Variants in RIT1 observed in about 807,000 individuals in gnomAD.
RIT1 encodes the protein Ras like without CAAX 1.
RIT1 carries 6 observed loss-of-function variants against 25.6 expected under a neutral mutation model. The ratio of observed to expected loss-of-function variants is 0.23; its 90% CI spans 0.13 to 0.46. The LOEUF is 0.46. Ranked by LOEUF, RIT1 falls within the 20% of genes least tolerant of loss-of-function variation. The pLI, the probability that RIT1 is intolerant of heterozygous loss-of-function variation, is 0.99. For missense variants in RIT1, 219 were observed against 284.4 expected (o/e 0.77, Z 1.65); for synonymous variants, 81 against 94.1 (o/e 0.86, Z 0.80).
At chr1:155,905,720 G>A (rs1177633903) in intron 3 of RIT1, among the ~76,000 whole-genome samples, 1 of 152,020 alleles carries the variant, frequency 6.6e-6, no homozygotes, top group Non-Finnish European at 1.5e-5. Flanking sequence ...TAGTTAATTA[G>A]TGACAGAATG....
intron 5 of RIT1, among the ~76,000 whole-genome samples, chr1:155,902,371 AAAAAG>A (rs991891224): frequency 2.0e-5 from 3 of 151,724 alleles, no homozygotes; most frequent in African/African-American, 7.3e-5. Flanking sequence ...CAAAAAAAAA[AAAAAG>A]AAAAGAAAAA....
intron 3 of RIT1, among the ~76,000 whole-genome samples, chr1:155,906,574 A>G (rs1673443142): frequency 1.3e-5 from 2 of 151,954 alleles, no homozygotes; most frequent in Non-Finnish European, 2.9e-5. Flanking sequence ...CAGCCTGGCT[A>G]ATGTGGTGAA....
chr1:155,909,321 T>G (rs1673529785), intron 3 of RIT1, among the ~76,000 whole-genome samples: 1 of 151,344 alleles, frequency 6.6e-6, no homozygotes, highest in Non-Finnish European at 1.5e-5. Flanking sequence ...GAGCTTGTAG[T>G]GAGCCGAGAT....
rs1213872994 is a variant in RIT1, at chr1:155,900,319, G to T, written c.*69C>A. ...AGTGAAAGAGCAAGCACCATACTCA[G>T]TACTGCAGGTTACTGGACTGCTTTG... is the stretch of plus-strand genomic sequence containing the variant. On this transcript the variant is annotated 3_prime_UTR_variant, in exon 6 of 6. Transcript: ENST00000368323. The T allele has an allele frequency of 1.8e-6, 2 of 1,087,486 alleles. No individual in the cohort carries two copies. Among genetic ancestry groups the T allele is most frequent in the Non-Finnish European group, 2.8e-6 (2 of 714,298 alleles). 67.4% of individuals were successfully genotyped at this position (1,087,486 alleles called of 1,614,324 possible).
At position 155,904,780 on chromosome 1, in the gene RIT1, C is replaced by T. The variant is rs1673400003; in HGVS notation, c.188G>A (p.Arg63His). The change falls in exon 4 of 6, where the codon CGT becomes CAT. Residue 63 changes from arginine to histidine, a missense_variant. Arg to His is a conservative substitution (Grantham distance 29). Coordinates refer to ENST00000368323, the MANE Select transcript of RIT1 (RefSeq NM_006912.6). Reference protein sequence around the residue: ...TIEDAYKIRIRIDDEPANLDI... With the variant: ...TIEDAYKIRIHIDDEPANLDI... ...CAGATTGGCAGGCTCATCATCAATA[C>T]GGATCCTGATCTTATAAGCATCTTC... 2.5e-6 allele frequency: 4 copies of T among 1,611,674 alleles called. No individual in the cohort carries two copies. The highest frequency in any genetic ancestry group is 1.1e-5 in the South Asian group (1 of 91,030).
chr1:155,910,716 C>T lies in RIT1; in HGVS notation c.46G>A (p.Ala16Thr), dbSNP rs1131692009. 7 of 1,614,134 alleles carry T rather than the reference C, an allele frequency of 4.3e-6. No individual in the cohort carries two copies. The highest frequency in any genetic ancestry group is 2.2e-5 in the South Asian group (2 of 91,090). ...AGTTTGTACTCCCGTGAGAGCCCAG[C>T]GGGGCTGCTACAGCAGCTACCAACT... Reference protein sequence around the residue: ...RPVGSCCSSPAGLSREYKLVM... With the variant: ...RPVGSCCSSPTGLSREYKLVM... Residue 16 changes from alanine to threonine, a missense_variant, in exon 2 of 6, where the codon GCT becomes ACT. Physicochemically the swap from Ala to Thr is moderately conservative, Grantham distance 58. Coordinates refer to ENST00000368323, the MANE Select transcript of RIT1 (RefSeq NM_006912.6).
At chr1:155,902,924 A>T (rs947203594) in intron 5 of RIT1, among the ~76,000 whole-genome samples, 15 of 151,848 alleles carry the variant, frequency 9.9e-5, no homozygotes, top group Non-Finnish European at 1.9e-4. Context: ...GCACTTTGGG[A>T]GGCCGAGGTG....
chr1:155,906,577 G>A (rs1337891723), intron 3 of RIT1, among the ~76,000 whole-genome samples: 1 of 151,640 alleles, frequency 6.6e-6, no homozygotes, highest in African/African-American at 2.4e-5. Flanking sequence ...CCTGGCTAAT[G>A]TGGTGAAACC....
rs573813074 is a variant in RIT1 at position 155,900,136 on chromosome 1, G to A, written c.*252C>T. On this transcript the variant is annotated 3_prime_UTR_variant, in exon 6 of 6. Transcript: ENST00000368323. ...AAACAAATTTACATTAATTAATAGC[G>A]CAACAGAACCCAAAACATTGGTAGA... 3.9e-5 allele frequency: 18 copies of A among 459,148 alleles called. No homozygotes were observed. Among genetic ancestry groups the A allele is most frequent in the Middle Eastern group, 5.8e-4 (1 of 1,736 alleles). The allele number at this position is 459,148 out of a possible 1,614,324, so 28.4% of individuals were successfully genotyped here.
chr1:155,904,974 GT>G (rs1307452463), intron 3 of RIT1, among the ~76,000 whole-genome samples, 170 bp from the exon 4 acceptor site: 1 of 151,616 alleles, frequency 6.6e-6, no homozygotes, highest in Non-Finnish European at 1.5e-5. Context: ...TTCAACTGAA[GT>G]TTTTTTTTCC....
At chr1:155,901,628 G>A (rs951469073) in intron 5 of RIT1, among the ~76,000 whole-genome samples, 3 of 151,892 alleles carry the variant, frequency 2.0e-5, no homozygotes, top group African/African-American at 7.3e-5. Context: ...CTCCAGCCTG[G>A]GTGACAGAGC....
At chr1:155,910,539 C>A in intron 2 of RIT1, 33 bp from the exon 3 acceptor site, 2 of 1,612,786 alleles carry the variant, frequency 1.2e-6, no homozygotes, top group Admixed American at 3.3e-5. Flanking sequence ...CAAATCCTCA[C>A]AAAGGTGACC....
intron 3 of RIT1, among the ~76,000 whole-genome samples, chr1:155,909,938 C>CA (rs750224243): frequency 7.2e-6 from 1 of 138,910 alleles, no homozygotes; most frequent in Non-Finnish European, 1.5e-5. Flanking sequence ...AAAAAAAAAA[C>CA]AACAGACAGA....
Position 155,900,335 on chromosome 1 carries a change from G to T in RIT1, c.*53C>A, listed in dbSNP as rs1249428026. ...CCATACTCAGTACTGCAGGTTACTGGACTGCTTTGATACAGCACTGCAGTT... is the reference window on the plus strand; with the variant it reads ...CCATACTCAGTACTGCAGGTTACTGTACTGCTTTGATACAGCACTGCAGTT... On this transcript the variant is annotated 3_prime_UTR_variant, in exon 6 of 6. Transcript: ENST00000368323. The T allele has an allele frequency of 1.1e-5, 15 of 1,304,532 alleles. No individual in the cohort carries two copies. Among genetic ancestry groups the T allele is most frequent in the Non-Finnish European group, 1.7e-5 (15 of 905,002 alleles). 80.8% of individuals were successfully genotyped at this position (1,304,532 alleles called of 1,614,324 possible).
chr1:155,910,465 G>T lies in RIT1; in HGVS notation c.148C>A (p.His50Asn). 1 of 1,613,972 alleles carries T rather than the reference G, an allele frequency of 6.2e-7. No individual in the cohort carries two copies. Among genetic ancestry groups the T allele is most frequent in the South Asian group, 1.1e-5 (1 of 91,070 alleles). Residue 50 changes from histidine (H) to asparagine (N), a missense_variant, in exon 3 of 6, where the codon CAT becomes AAT. Physicochemically the swap from His to Asn is moderately conservative, Grantham distance 68. Transcript: ENST00000368323. ...TCTGGCTTACCAATGGTGGGATCAT[G>T]ATCTTCTGGGAATCGGTGGCTGATG... The part of the protein sequence containing the change: ...QFISHRFPED[H>N]DPTIEDAYKI...
In RIT1 at chr1:155,899,777, C is replaced by T. The variant is rs1002731485; in HGVS notation, c.*611G>A. On this transcript the variant is annotated 3_prime_UTR_variant, in exon 6 of 6. Coordinates refer to ENST00000368323, the MANE Select transcript of RIT1 (RefSeq NM_006912.6). ...GCCAAATGTGTACTTCTTAGAAAAG[C>T]GAAGCTTGTACTGAGAATACTGTTC... The T allele has an allele frequency of 2.7e-5, 6 of 220,446 alleles. No homozygotes were observed. Among genetic ancestry groups the T allele is most frequent in the African/African-American group, 1.1e-4 (5 of 44,782 alleles). 13.7% of individuals were successfully genotyped at this position (220,446 alleles called of 1,614,324 possible).
intron 3 of RIT1, among the ~76,000 whole-genome samples, chr1:155,907,839 C>T (rs1233016305): frequency 1.3e-5 from 2 of 152,112 alleles, no homozygotes; most frequent in Non-Finnish European, 2.9e-5. Context: ...GCCTGTAATC[C>T]CAGCACTTTG....
rs1333491071 is a variant in RIT1, at chr1:155,900,460, T to G, written c.588A>C (p.Lys196Asn). Reference sequence around the variant, plus strand: ...TCCATACACTGTTTTTGGGCTTAGATTTTTTCTCCATGGCCAGTACTGCCT... The same window carrying G: ...TCCATACACTGTTTTTGGGCTTAGAGTTTTTCTCCATGGCCAGTACTGCCT... ...EKEAVLAMEKKSKPKNSVWKR... is the reference protein window; with the variant it reads ...EKEAVLAMEKNSKPKNSVWKR... The change falls in exon 6 of 6, where the codon AAA becomes AAC. Residue 196 changes from lysine to asparagine, a missense_variant. Physicochemically the swap from Lys to Asn is moderately conservative, Grantham distance 94. This residue lies in a region of RIT1 where 81 missense variants were observed against 83.8 expected (regional missense o/e 0.97). Coordinates refer to ENST00000368323, the MANE Select transcript of RIT1 (RefSeq NM_006912.6). The G allele has an allele frequency of 1.9e-6, 3 of 1,614,074 alleles. No individual in the cohort carries two copies. Among genetic ancestry groups the G allele is most frequent in the African/African-American group, 1.3e-5 (1 of 74,926 alleles).
chr1:155,910,737 C>T lies in RIT1; in HGVS notation c.25G>A (p.Gly9Ser). 6.2e-7 allele frequency: 1 copy of T among 1,614,238 alleles called. No homozygotes were observed. The highest frequency in any genetic ancestry group is 8.5e-7 in the Non-Finnish European group (1 of 1,180,038). The change falls in exon 2 of 6, where the codon GGT becomes AGT. Residue 9 changes from glycine (G) to serine (S), a missense_variant. Around this residue, in one of 3 missense-constraint regions of RIT1, gnomAD observed 131 missense variants for 173.6 expected, o/e 0.75. Transcript: ENST00000368323. MDSGTRPVGSCCSSPAGLS... is the reference protein window; with the variant it reads MDSGTRPVSSCCSSPAGLS... ...CCAGCGGGGCTGCTACAGCAGCTAC[C>T]AACTGGGCGAGTTCCAGAATCCATT...
Sources: gnomAD v4.1 joint callset for allele counts (sites outside exome capture counted in the v4.1 genomes callset) on GRCh38, gnomAD v4.1.1 for gene constraint, gnomAD v4.1.1 regional missense constraint, MANE v1.5 for transcripts, NCBI Gene and HGNC (gene_info 2026-07-23, HGNC 2026-07-21) for gene names.